CACNB2: variants seen among roughly 807,000 people sequenced by gnomAD.
CACNB2 encodes the protein calcium voltage-gated channel auxiliary subunit beta 2, also known as voltage-dependent L-type calcium channel subunit beta-2.
CACNB2 carries 42 observed loss-of-function variants against 73.3 expected under a neutral mutation model. The observed-to-expected ratio is 0.57, with a 90% CI of 0.45 to 0.74. CACNB2 has a LOEUF of 0.74. Among genes scored for constraint, CACNB2 ranks in the 30% least tolerant of loss-of-function variants. CACNB2 has a pLI of 0.00. For missense variants in CACNB2, 940 were observed against 853.0 expected (o/e 1.10, Z -1.27); for synonymous variants, 348 against 310.3 (o/e 1.12, Z -1.28).
chr10:18,429,123 T>C (rs4145903), intron 3 of CACNB2, among the ~76,000 whole-genome samples: 114,177 of 152,120 alleles, frequency 0.75, 43,882 homozygotes, highest in African/African-American at 0.92. Context: ...TGAAGTCTCT[T>C]TATGTGTCTG....
chr10:18,309,499 C>G (rs1337433768), intron 2 of CACNB2, among the ~76,000 whole-genome samples: 1 of 152,120 alleles, frequency 6.6e-6, no homozygotes, highest in Non-Finnish European at 1.5e-5. Context: ...CGCTCTGTCG[C>G]CAGGCTGGAG....
chr10:18,193,366 T>C (rs1369920826), intron 2 of CACNB2, among the ~76,000 whole-genome samples: 1 of 152,146 alleles, frequency 6.6e-6, no homozygotes, highest in Admixed American at 6.5e-5. Context: ...CTTATTATTT[T>C]CTAGTTTTTC....
At chr10:18,329,884 C>A (rs1305105088) in intron 2 of CACNB2, among the ~76,000 whole-genome samples, 1 of 152,142 alleles carries the variant, frequency 6.6e-6, no homozygotes, top group Non-Finnish European at 1.5e-5. Context: ...GTGTCCCAGG[C>A]TGGAGTGCAG....
rs2049349273 is a variant in CACNB2 at position 18,490,518 on chromosome 10, A to G, written c.334-7837A>G. On this transcript the variant is annotated intron_variant, in intron 3 of 13. Transcript: ENST00000324631. ...TCCATAGCCACAAAACAAGTTGGCC[A>G]GGAATCCAGGTAGAATCTGCAAAAG... Among the ~76,000 whole-genome samples, 4 of 152,220 alleles carry G rather than the reference A, an allele frequency of 2.6e-5. No individual in the cohort carries two copies. In the South Asian group the frequency reaches 8.3e-4, roughly 31 times the overall value.
rs71402148 is a variant in CACNB2 at position 18,150,855 on chromosome 10, CTTTTTTT to C, written c.121-9_121-3del. 0.018 allele frequency: 8,700 copies of C among 484,080 alleles called. 277 individuals carry two copies. The highest frequency in any genetic ancestry group is 0.18 in the African/African-American group (3,946 of 22,270). The allele number at this position is 484,080 out of a possible 1,614,324, so 30.0% of individuals were successfully genotyped here. A position where few individuals can be genotyped will look rare whatever the true frequency, so the allele number is the denominator to read the frequency against. Reference sequence around the variant, plus strand: ...AGGGTCTCATAATAATCTTATTTGTCTTTTTTTTTTTTTTTTTTTTTTTTTAGTCATA... The same window carrying C: ...AGGGTCTCATAATAATCTTATTTGTCTTTTTTTTTTTTTTTTTTAGTCATA... On this transcript the variant is annotated intron_variant, in intron 1 of 13. Transcript: ENST00000324631.
intron 2 of CACNB2, among the ~76,000 whole-genome samples, chr10:18,310,522 T>C (rs1370997080): frequency 7.2e-6 from 1 of 139,250 alleles, no homozygotes; most frequent in Non-Finnish European, 1.5e-5. Flanking sequence ...GGAGAATCAG[T>C]TGAACCCAGG....
rs376351054 is a variant in CACNB2, at chr10:18,234,924, A to G, written c.213+83949A>G. ...TTTGGGAGGCTGAGGCGGGCAGATC[A>G]CGAGGTCAGGAGATCGAGACCATCC... On this transcript the variant is annotated intron_variant, in intron 2 of 13. Coordinates refer to ENST00000324631, the MANE Select transcript of CACNB2 (RefSeq NM_201596.3). Among the ~76,000 whole-genome samples the G allele has an allele frequency of 1.2e-3, 173 of 147,616 alleles. No homozygotes were observed. In the South Asian group the frequency reaches 0.014, roughly 12 times the overall value.
intron 2 of CACNB2, among the ~76,000 whole-genome samples, chr10:18,219,057 T>G (rs1295316312): frequency 6.6e-6 from 1 of 152,072 alleles, no homozygotes; most frequent in Non-Finnish European, 1.5e-5. Flanking sequence ...CCTGGCTGCT[T>G]CAGAGGCTGA....
At position 18,140,618 on chromosome 10, in the gene CACNB2, G is replaced by C. The variant is rs1307702544; in HGVS notation, c.-119G>C. 6.3e-6 allele frequency: 5 copies of C among 795,884 alleles called. No homozygotes were observed. Among genetic ancestry groups the C allele is most frequent in the African/African-American group, 3.7e-5 (2 of 54,284 alleles). The allele number at this position is 795,884 out of a possible 1,614,324, so 49.3% of individuals were successfully genotyped here. On this transcript the variant is annotated 5_prime_UTR_variant, in exon 1 of 14. Transcript: ENST00000324631. ...CGCTGCGGGGCGCTGCGCCGAGAACGGCCGGGCCTGAGCCCTGGGCGGCCC... is the reference window on the plus strand; with the variant it reads ...CGCTGCGGGGCGCTGCGCCGAGAACCGCCGGGCCTGAGCCCTGGGCGGCCC...
chr10:18,379,546 C>T (rs7908718), intron 2 of CACNB2, among the ~76,000 whole-genome samples: 35,218 of 152,054 alleles, frequency 0.23, 4,617 homozygotes, highest in East Asian at 0.65. Flanking sequence ...TACAGTTCTA[C>T]AGCACTAATC....
chr10:18,531,348 G>A (rs1205274748), intron 10 of CACNB2, among the ~76,000 whole-genome samples: 1 of 152,058 alleles, frequency 6.6e-6, no homozygotes, highest in Non-Finnish European at 1.5e-5. Context: ...CTCCCACCCT[G>A]ATAGGCCCCA....
rs372755207 is a variant in CACNB2 at position 18,207,266 on chromosome 10, C to T, written c.213+56291C>T. ...TCAGGTGATCCGCCTACCTCTGCCT[C>T]CCAAAATGCTGGGATTACAGGCATG... On this transcript the variant is annotated intron_variant, in intron 2 of 13. Coordinates refer to ENST00000324631, the MANE Select transcript of CACNB2 (RefSeq NM_201596.3). Among the ~76,000 whole-genome samples, 12 of 152,246 alleles carry T rather than the reference C, an allele frequency of 7.9e-5. No homozygotes were observed. The South Asian group carries it at 2.5e-3, about 32-fold the overall frequency.
chr10:18,221,349 T>C (rs1376335798), intron 2 of CACNB2, among the ~76,000 whole-genome samples: 1 of 152,156 alleles, frequency 6.6e-6, no homozygotes. Context: ...CCTATTACTG[T>C]TCTTTCAGAA....
chr10:18,311,817 AC>A (rs998774135), intron 2 of CACNB2, among the ~76,000 whole-genome samples: 13 of 152,266 alleles, frequency 8.5e-5, no homozygotes, highest in Non-Finnish European at 1.5e-4. Flanking sequence ...GGTAGATGGC[AC>A]TTAGACTTCC....
intron 1 of CACNB2, among the ~76,000 whole-genome samples, chr10:18,145,803 T>G (rs752427643): frequency 3.3e-5 from 5 of 152,218 alleles, no homozygotes; most frequent in African/African-American, 4.8e-5. Flanking sequence ...AAACTACTTA[T>G]GACATCACTT....
chr10:18,153,507 C>G (rs1378965296), intron 2 of CACNB2, among the ~76,000 whole-genome samples: 1 of 151,584 alleles, frequency 6.6e-6, no homozygotes, highest in African/African-American at 2.4e-5. Flanking sequence ...AAATGGTTTC[C>G]TGGAGTGTTT....
chr10:18,195,420 G>C (rs1363325130), intron 2 of CACNB2, among the ~76,000 whole-genome samples: 4 of 152,168 alleles, frequency 2.6e-5, no homozygotes, highest in African/African-American at 9.6e-5. Context: ...ATCTCTCAGG[G>C]GGTATCAAGT....
intron 2 of CACNB2, among the ~76,000 whole-genome samples, chr10:18,374,952 A>G (rs2042734100): frequency 6.6e-6 from 1 of 152,186 alleles, no homozygotes. Context: ...AGTAAAAGCA[A>G]AAGCCTGTGT....
At chr10:18,164,163 T>C (rs2032676027) in intron 2 of CACNB2, among the ~76,000 whole-genome samples, 2 of 152,166 alleles carry the variant, frequency 1.3e-5, no homozygotes, top group Admixed American at 1.3e-4. Context: ...TGTAAACAGG[T>C]TTTCTACTAG....
Sources: gnomAD v4.1 joint callset for allele counts (sites outside exome capture counted in the v4.1 genomes callset) on GRCh38, gnomAD v4.1.1 for gene constraint, MANE v1.5 for transcripts, NCBI Gene and HGNC (gene_info 2026-07-23, HGNC 2026-07-21) for gene names.